Variants in ZFYVE1 observed in about 807,000 individuals in gnomAD.
ZFYVE1 encodes zinc finger FYVE-type containing 1.
A neutral mutation model predicts 74.4 loss-of-function variants in ZFYVE1; 30 were observed. That is an observed-to-expected ratio of 0.40 (90% CI 0.30 to 0.55). The LOEUF is 0.55. ZFYVE1 is among the 20% of genes least tolerant of loss of function. ZFYVE1 has a pLI of 0.42. For missense variants in ZFYVE1, 703 were observed against 1,011.6 expected (o/e 0.69, Z 4.14); for synonymous variants, 335 against 385.1 (o/e 0.87, Z 1.52).
chr14:72,976,288 G>A (rs1251336999), intron 8 of ZFYVE1, among the ~76,000 whole-genome samples: 1 of 152,204 alleles, frequency 6.6e-6, no homozygotes, highest in Non-Finnish European at 1.5e-5. Context: ...TGTGAAGAAT[G>A]TGACCTGAGA....
At position 73,000,663 on chromosome 14, in the gene ZFYVE1, C is replaced by T. The variant is rs752199684; in HGVS notation, c.484-2348G>A. On this transcript the variant is annotated intron_variant, in intron 2 of 11. Transcript: ENST00000556143. ...CAAGGATGTACAGAATCACAATGTTCATGCACTTCTGGTGGGAACGTAAAA... is the reference window on the plus strand; with the variant it reads ...CAAGGATGTACAGAATCACAATGTTTATGCACTTCTGGTGGGAACGTAAAA... 2.6e-5 allele frequency among the ~76,000 whole-genome samples: 4 copies of T among 151,858 alleles called. No homozygotes were observed. In the South Asian group the frequency reaches 8.3e-4, roughly 32 times the overall value.
In ZFYVE1 at chr14:73,024,568, T is replaced by C. The variant is rs928521809; in HGVS notation, c.-60A>G. On this transcript the variant is annotated 5_prime_UTR_variant, in exon 2 of 12. Coordinates refer to ENST00000556143, the MANE Select transcript of ZFYVE1 (RefSeq NM_021260.4). Reference sequence around the variant, plus strand: ...ATAGTCACTGAGCTTGCCCCGGGGGTGAAGACGAAGATTTGAGTCTGAAGA... The same window carrying C: ...ATAGTCACTGAGCTTGCCCCGGGGGCGAAGACGAAGATTTGAGTCTGAAGA... 2 of 1,520,280 alleles carry C rather than the reference T, an allele frequency of 1.3e-6. No homozygotes were observed. Among genetic ancestry groups the C allele is most frequent in the East Asian group, 4.5e-5 (2 of 44,070 alleles). The allele number at this position is 1,520,280 out of a possible 1,614,324, so 94.2% of individuals were successfully genotyped here.
At chr14:72,988,163 A>G (rs1893525781) in intron 4 of ZFYVE1, among the ~76,000 whole-genome samples, 1 of 148,288 alleles carries the variant, frequency 6.7e-6, no homozygotes, top group South Asian at 2.1e-4. Flanking sequence ...AAAATAAGAT[A>G]GGGCTAACAA....
Position 72,975,638 on chromosome 14 carries a change from C to T in ZFYVE1, c.1719G>A (p.Glu573=). Residue 573 remains glutamate, a synonymous_variant, in exon 9 of 12, where the codon GAG becomes GAA. Coordinates refer to ENST00000556143, the MANE Select transcript of ZFYVE1 (RefSeq NM_021260.4). The surrounding 1 kb of genome is among the most constrained non-coding windows in gnomAD (Gnocchi z 4.1). ...GMNFMAQSVS[E]LSLGPTKAVT... ...CAGCCTTGGTGGGTCCAAGGCTAAG[C>T]TCGGACACCGACTGAGCCATGAAGT... is the stretch of plus-strand genomic sequence containing the variant. 6.2e-7 allele frequency: 1 copy of T among 1,614,222 alleles called. No individual in the cohort carries two copies.
chr14:72,990,194 T>A (rs1567351961), intron 4 of ZFYVE1, among the ~76,000 whole-genome samples: 1 of 152,152 alleles, frequency 6.6e-6, no homozygotes, highest in Non-Finnish European at 1.5e-5. Flanking sequence ...AAGATTTGGG[T>A]AAACTGCAAC....
At chr14:73,016,686 A>C (rs1055184401) in intron 2 of ZFYVE1, among the ~76,000 whole-genome samples, 1 of 151,900 alleles carries the variant, frequency 6.6e-6, no homozygotes, top group Non-Finnish European at 1.5e-5. Context: ...GTTCAAGATC[A>C]GCCTGCCCAA....
chr14:73,013,586 C>T (rs1351519498), intron 2 of ZFYVE1, among the ~76,000 whole-genome samples: 5 of 149,716 alleles, frequency 3.3e-5, no homozygotes, highest in African/African-American at 9.8e-5. Context: ...GTGACAAGAG[C>T]GAAACTCCAT....
At chr14:72,994,868 G>A (rs144580970) in intron 3 of ZFYVE1, among the ~76,000 whole-genome samples, 116 of 152,254 alleles carry the variant, frequency 7.6e-4, no homozygotes, top group Non-Finnish European at 1.5e-3. Context: ...CCTTCCTGAT[G>A]AACTTTTACA....
At position 72,996,178 on chromosome 14, in the gene ZFYVE1, G is replaced by A. The variant is rs1008393830; in HGVS notation, c.988+1633C>T. On this transcript the variant is annotated intron_variant, in intron 3 of 11. Transcript: ENST00000556143. ...AAAGGGGTAACTAAAGGAGGTCAGAGACAAAGGTAGGAGTTAAAGTGATGG... is the reference window on the plus strand; with the variant it reads ...AAAGGGGTAACTAAAGGAGGTCAGAAACAAAGGTAGGAGTTAAAGTGATGG... 6.8e-4 allele frequency among the ~76,000 whole-genome samples: 103 copies of A among 152,106 alleles called. 4 individuals carry two copies. The highest frequency in any genetic ancestry group is 1.5e-5 in the Non-Finnish European group (1 of 68,026).
intron 1 of ZFYVE1, among the ~76,000 whole-genome samples, chr14:73,025,693 CA>C (rs34131740): frequency 0.011 from 807 of 76,218 alleles, 6 homozygotes; most frequent in East Asian, 0.013. Flanking sequence ...AAGACTCCCT[CA>C]AAAAAAAAAA....
chr14:72,993,195 T>C lies in ZFYVE1; in HGVS notation c.1151A>G (p.Asn384Ser), dbSNP rs537620662. The change falls in exon 4 of 12, where the codon AAT (asparagine) becomes AGT (serine). Residue 384 changes from asparagine (N) to serine (S), a missense_variant. Around this residue, in one of 2 missense-constraint regions of ZFYVE1, gnomAD observed 492 missense variants for 790.0 expected, o/e 0.62. Transcript: ENST00000556143. ...LRRALEQLLENNTTRSPRHPG... is the reference protein window; with the variant it reads ...LRRALEQLLESNTTRSPRHPG... ...GTGCCGGGGAGAACGGGTGGTGTTA[T>C]TCTCTAGTAGCTGCTCCAAAGCACG... 3.1e-6 allele frequency: 5 copies of C among 1,613,592 alleles called. No individual in the cohort carries two copies. In the South Asian group the frequency reaches 3.3e-5, roughly 11 times the overall value.
chr14:72,981,094 G>A (rs1893318360), intron 5 of ZFYVE1, among the ~76,000 whole-genome samples: 3 of 152,156 alleles, frequency 2.0e-5, no homozygotes, highest in South Asian at 4.1e-4. Context: ...ACCTGATTCC[G>A]AATCTGCATT....
At chr14:73,011,385 G>A (rs1281733673) in intron 2 of ZFYVE1, among the ~76,000 whole-genome samples, 1 of 152,132 alleles carries the variant, frequency 6.6e-6, no homozygotes, top group African/African-American at 2.4e-5. Flanking sequence ...TACTCAGGAG[G>A]CTGAGGTGGA....
At chr14:72,974,016 C>T in intron 11 of ZFYVE1, 64 bp downstream of exon 11, 1 of 1,466,172 alleles carries the variant, frequency 6.8e-7, no homozygotes, top group East Asian at 2.3e-5. Context: ...AAGTGACAGC[C>T]CAGGGCACCT....
At chr14:72,987,461 G>C (rs1412915562) in intron 4 of ZFYVE1, among the ~76,000 whole-genome samples, 2 of 152,142 alleles carry the variant, frequency 1.3e-5, no homozygotes, top group Non-Finnish European at 2.9e-5. Flanking sequence ...CTAGCTACTT[G>C]AGAGGCTGCG....
chr14:73,006,631 TTTTTAC>T (rs1482313874), intron 2 of ZFYVE1, among the ~76,000 whole-genome samples: 1 of 151,624 alleles, frequency 6.6e-6, no homozygotes, highest in East Asian at 1.9e-4. Flanking sequence ...CACCCAAAGC[TTTTTAC>T]TTTGTATAGA....
chr14:72,979,568 C>T (rs1349574692), intron 5 of ZFYVE1, among the ~76,000 whole-genome samples: 2 of 151,646 alleles, frequency 1.3e-5, no homozygotes, highest in Non-Finnish European at 2.9e-5. Flanking sequence ...GCAGGAGAAT[C>T]ACTTGAATCC....
Position 72,997,741 on chromosome 14 carries a change from A to G in ZFYVE1, c.988+70T>C, listed in dbSNP as rs1020192748. 8.6e-6 allele frequency: 13 copies of G among 1,507,600 alleles called. No homozygotes were observed. In the African/African-American group the frequency reaches 1.4e-4, roughly 16 times the overall value. 93.4% of individuals were successfully genotyped at this position (1,507,600 alleles called of 1,614,324 possible). On this transcript the variant is annotated intron_variant, in intron 3 of 11. Coordinates refer to ENST00000556143, the MANE Select transcript of ZFYVE1 (RefSeq NM_021260.4). The stretch of plus-strand genomic sequence containing the variant: ...GGCAATCCACTACCAACAAGTTGCT[A>G]TTGCAGACCAAATAGCTGCCTCCTT...
rs1894402907 is a variant in ZFYVE1, at chr14:73,024,098, C to T, written c.411G>A (p.Glu137=). 1 of 1,614,202 alleles carries T rather than the reference C, an allele frequency of 6.2e-7. No individual in the cohort carries two copies. Among genetic ancestry groups the T allele is most frequent in the Non-Finnish European group, 8.5e-7 (1 of 1,180,044 alleles). ...QESLEAEEMD[E]ETKRKKMTEK... Reference sequence around the variant, plus strand: ...CAGTCATCTTCTTCCTCTTGGTCTCCTCATCCATCTCTTCTGCCTCCAGTG... The same window carrying T: ...CAGTCATCTTCTTCCTCTTGGTCTCTTCATCCATCTCTTCTGCCTCCAGTG... The change falls in exon 2 of 12, where the codon GAG becomes GAA. Residue 137 remains glutamate, a synonymous_variant. Transcript: ENST00000556143.
Sources: gnomAD v4.1 joint callset for allele counts (sites outside exome capture counted in the v4.1 genomes callset) on GRCh38, gnomAD v4.1.1 for gene constraint, gnomAD v4.1.1 regional missense constraint, Gnocchi (gnomAD v3.1) non-coding constraint, MANE v1.5 for transcripts, NCBI Gene and HGNC (gene_info 2026-07-23, HGNC 2026-07-21) for gene names.